Variants in AGAP3 observed in about 807,000 individuals in gnomAD.
The protein encoded by AGAP3 is ArfGAP with GTPase domain, ankyrin repeat and PH domain 3, also known as arf-GAP with GTPase, ANK repeat and PH domain-containing protein 3.
In AGAP3, 24 loss-of-function variants were observed where a neutral mutation model predicts 96.9. The observed-to-expected ratio is 0.25, with a 90% CI of 0.18 to 0.35. The LOEUF is 0.35. Among genes scored for constraint, AGAP3 ranks in the 10% least tolerant of loss-of-function variants. The pLI is 1.00. For synonymous variants in AGAP3, 563 were observed against 536.1 expected, an observed-to-expected ratio of 1.05 and a Z score of -0.69; for missense variants, 876 against 1,254.2, an observed-to-expected ratio of 0.70 and a Z score of 4.55.
At chr7:151,128,739 G>T (rs971249706) in intron 10 of AGAP3, 55 bp downstream of exon 10, 28 of 1,463,164 alleles carry the variant, frequency 1.9e-5, no homozygotes, top group Non-Finnish European at 2.5e-5. Flanking sequence ...GTGGAGGGAG[G>T]ATAACAGAAT....
intron 1 of AGAP3, among the ~76,000 whole-genome samples, chr7:151,100,002 T>C (rs1036061): frequency 0.77 from 117,366 of 152,122 alleles, 45,349 homozygotes; most frequent in East Asian, 0.98. Context: ...TGGACTGTGC[T>C]GGGAAGAGCC....
At chr7:151,113,142 G>A (rs182413227) in intron 1 of AGAP3, among the ~76,000 whole-genome samples, 25 of 152,284 alleles carry the variant, frequency 1.6e-4, no homozygotes, top group African/African-American at 4.3e-4. Flanking sequence ...GCAGATACAC[G>A]TAGATAGGGA....
chr7:151,130,592 A>G (rs1800364444), intron 10 of AGAP3, among the ~76,000 whole-genome samples: 1 of 152,050 alleles, frequency 6.6e-6, no homozygotes, highest in Admixed American at 6.5e-5. Flanking sequence ...AGCCCCCAGG[A>G]GTGCCCCTCC....
intron 9 of AGAP3, among the ~76,000 whole-genome samples, chr7:151,124,313 C>T (rs1029997940): frequency 6.6e-6 from 1 of 152,204 alleles, no homozygotes; most frequent in Non-Finnish European, 1.5e-5. Context: ...GGCCTCTGTT[C>T]GTCTTTAAAG....
intron 1 of AGAP3, among the ~76,000 whole-genome samples, chr7:151,111,914 C>A (rs1799305346): frequency 6.6e-6 from 1 of 152,202 alleles, no homozygotes; most frequent in African/African-American, 2.4e-5. Context: ...GATTTCAGTA[C>A]TGTTCGTGTA....
chr7:151,117,611 G>T, intron 4 of AGAP3, 25 bp from the exon 5 acceptor site: 1 of 1,613,398 alleles, frequency 6.2e-7, no homozygotes, highest in Non-Finnish European at 8.5e-7. Context: ...AGTTGCGGGT[G>T]CTAATTTTAC....
chr7:151,118,039 C>A lies in AGAP3; in HGVS notation c.707-171C>A. ...GCTTAAGTGCTTGCTGGTTTGCACTCAGTGAGGCCATGGAAGGGTTGAAAT... is the reference window on the plus strand; with the variant it reads ...GCTTAAGTGCTTGCTGGTTTGCACTAAGTGAGGCCATGGAAGGGTTGAAAT... On this transcript the variant is annotated intron_variant, in intron 5 of 17. Transcript: ENST00000397238. The surrounding 1 kb of genome is among the most constrained non-coding windows in gnomAD (Gnocchi z 6.1). 1.0e-6 allele frequency: 1 copy of A among 960,142 alleles called. No individual in the cohort carries two copies. Among genetic ancestry groups the A allele is most frequent in the Non-Finnish European group, 1.5e-6 (1 of 653,438 alleles). 59.5% of individuals were successfully genotyped at this position (960,142 alleles called of 1,614,324 possible).
rs1800840709 is a variant in AGAP3, at chr7:151,142,185, C to G, written c.1982C>G (p.Ala661Gly). 6.2e-7 allele frequency: 1 copy of G among 1,613,778 alleles called. No homozygotes were observed. Among genetic ancestry groups the G allele is most frequent in the African/African-American group, 1.3e-5 (1 of 74,930 alleles). The stretch of plus-strand genomic sequence containing the variant: ...CAGACTCGACTGGGGAACCAGAACG[C>G]AGCTCTGGCTGTGCAGGCCGTCCGC... ...KDKTRLGNQNAALAVQAVRTV... is the reference protein window; with the variant it reads ...KDKTRLGNQNGALAVQAVRTV... The change falls in exon 15 of 18, where the codon GCA becomes GGA. Residue 661 changes from alanine to glycine, a missense_variant. Transcript: ENST00000397238. This position sits in a 1 kb window ranked among gnomAD's most constrained non-coding sequence, Gnocchi z 7.5.
chr7:151,102,105 G>A (rs1357967165), intron 1 of AGAP3, among the ~76,000 whole-genome samples: 3 of 152,174 alleles, frequency 2.0e-5, no homozygotes, highest in African/African-American at 7.2e-5. Context: ...AGTGGGAGAC[G>A]GGCCTGGCAC....
At chr7:151,129,391 G>A (rs1400724365) in intron 10 of AGAP3, among the ~76,000 whole-genome samples, 3 of 152,108 alleles carry the variant, frequency 2.0e-5, no homozygotes, top group Non-Finnish European at 4.4e-5. Context: ...TCCGCCCAAG[G>A]TGTCAGGAAG....
At chr7:151,098,062 T>C (rs1279865729) in intron 1 of AGAP3, among the ~76,000 whole-genome samples, 2 of 152,034 alleles carry the variant, frequency 1.3e-5, no homozygotes, top group African/African-American at 4.8e-5. Context: ...TTATAGCCTA[T>C]AAGATAACAA....
At chr7:151,120,189 C>T (rs1177682872) in intron 8 of AGAP3, 44 bp downstream of exon 8, 2 of 1,548,766 alleles carry the variant, frequency 1.3e-6, no homozygotes, top group Non-Finnish European at 1.8e-6. Context: ...CTTTGCTGCA[C>T]AGGCAGGGCT....
chr7:151,116,663 G>A (rs1228641220), intron 1 of AGAP3, 130 bp from the exon 2 acceptor site: 1 of 959,032 alleles, frequency 1.0e-6, no homozygotes, highest in Non-Finnish European at 1.7e-6. Flanking sequence ...GAGGGTTGGG[G>A]GTCCCGTGGA....
rs1241430548 is a variant in AGAP3 at position 151,108,010 on chromosome 7, C to T, written c.332-8783C>T. On this transcript the variant is annotated intron_variant, in intron 1 of 17. Coordinates refer to ENST00000397238, the MANE Select transcript of AGAP3 (RefSeq NM_031946.7). This position sits in a 1 kb window ranked among gnomAD's most constrained non-coding sequence, Gnocchi z 4.2. Reference sequence around the variant, plus strand: ...TCCTCTGGCACGGCACCGGCCCATGCGGGGGGTGCAGCACATGCTGGTCGC... The same window carrying T: ...TCCTCTGGCACGGCACCGGCCCATGTGGGGGGTGCAGCACATGCTGGTCGC... Among the ~76,000 whole-genome samples, 4 of 152,154 alleles carry T rather than the reference C, an allele frequency of 2.6e-5. No individual in the cohort carries two copies. The highest frequency in any genetic ancestry group is 2.1e-4 in the South Asian group (1 of 4,830).
chr7:151,122,884 C>T, intron 8 of AGAP3: 3 of 1,547,492 alleles, frequency 1.9e-6, no homozygotes, highest in Non-Finnish European at 2.6e-6. Context: ...GAGAAGCGGC[C>T]GCCGAGCTCC....
chr7:151,086,471 C>T (rs1288866888), upstream of AGAP3, among the ~76,000 whole-genome samples: 2 of 147,630 alleles, frequency 1.4e-5, no homozygotes, highest in African/African-American at 4.9e-5. Context: ...CTCCCGGTCC[C>T]GTTGTTGTTG....
intron 11 of AGAP3, among the ~76,000 whole-genome samples, chr7:151,135,213 C>T (rs1800547226): frequency 6.6e-6 from 1 of 152,350 alleles, no homozygotes. Context: ...ACACCCGTTT[C>T]CCTCGCTTCC....
chr7:151,112,108 C>T (rs1799315315), intron 1 of AGAP3: 1 of 152,256 alleles, frequency 6.6e-6, no homozygotes, highest in Non-Finnish European at 1.5e-5. Context: ...GTGCCTGCAG[C>T]TGTTCTCCTT....
At chr7:151,095,937 C>A (rs968930699) in intron 1 of AGAP3, among the ~76,000 whole-genome samples, 1 of 151,998 alleles carries the variant, frequency 6.6e-6, no homozygotes, top group African/African-American at 2.4e-5. Context: ...AGGTTAAGCA[C>A]CTGGGCTCTG....
Sources: gnomAD v4.1 joint callset for allele counts (sites outside exome capture counted in the v4.1 genomes callset) on GRCh38, gnomAD v4.1.1 for gene constraint, Gnocchi (gnomAD v3.1) non-coding constraint, MANE v1.5 for transcripts, NCBI Gene and HGNC (gene_info 2026-07-23, HGNC 2026-07-21) for gene names.